The following ZPBP variants were observed in gnomAD, a reference collection of about 807,000 sequenced individuals.
The protein encoded by ZPBP is zona pellucida binding protein.
In ZPBP, 26 loss-of-function variants were observed where a neutral mutation model predicts 44.8. The observed-to-expected ratio is 0.58, with a 90% CI of 0.43 to 0.81. ZPBP has a LOEUF of 0.81. Among genes scored for constraint, ZPBP ranks in the 30% least tolerant of loss-of-function variants. ZPBP has a pLI of 0.00. For synonymous variants in ZPBP, 174 were observed against 153.2 expected (o/e 1.14, Z -1.00); for missense variants, 409 against 434.0 (o/e 0.94, Z 0.51).
intron 5 of ZPBP, among the ~76,000 whole-genome samples, chr7:50,028,466 G>A (rs564549703): frequency 1.3e-5 from 2 of 152,054 alleles, no homozygotes; most frequent in East Asian, 3.9e-4. Context: ...ACATTGTGCT[G>A]GAAGCCCAAG....
chr7:50,012,217 G>A (rs1482723546), intron 6 of ZPBP, among the ~76,000 whole-genome samples: 1 of 151,806 alleles, frequency 6.6e-6, no homozygotes, highest in Non-Finnish European at 1.5e-5. Flanking sequence ...TGAGATTTTT[G>A]AGACACGCAA....
chr7:50,081,790 T>G lies in ZPBP; in HGVS notation c.318A>C (p.Lys106Asn). The change falls in exon 3 of 8, where the codon AAA (lysine) becomes AAC (asparagine). Residue 106 changes from lysine (K) to asparagine (N), a missense_variant. Lys to Asn is a moderately conservative substitution (Grantham distance 94). This residue lies in a region of ZPBP where 367 missense variants were observed against 363.1 expected (regional missense o/e 1.01). Transcript: ENST00000046087. ...AAATCCTACCTGAAACAACTTTTCC[T>G]TTAGGCCCATACCATTGGAATGATG... ...IDPSFQWYGPKGKVVSVENRT... is the reference protein window; with the variant it reads ...IDPSFQWYGPNGKVVSVENRT... 1 of 1,611,240 alleles carries G rather than the reference T, an allele frequency of 6.2e-7. No individual in the cohort carries two copies. Among genetic ancestry groups the G allele is most frequent in the African/African-American group, 1.3e-5 (1 of 74,910 alleles).
chr7:49,876,984 A>G (rs1791438182), intron 2 of ZPBP, among the ~76,000 whole-genome samples: 1 of 152,068 alleles, frequency 6.6e-6, no homozygotes, highest in African/African-American at 2.4e-5. Context: ...ATATTCAGCC[A>G]CATTTATTCC....
chr7:49,916,213 C>T (rs1793716361), intron 1 of ZPBP: 1 of 152,182 alleles, frequency 6.6e-6, no homozygotes, highest in Admixed American at 6.5e-5. Flanking sequence ...ATCGCAATCA[C>T]ACACAAAATA....
intron 4 of ZPBP, among the ~76,000 whole-genome samples, chr7:50,032,670 A>C (rs1405962838): frequency 3.3e-5 from 5 of 152,208 alleles, no homozygotes; most frequent in Non-Finnish European, 7.3e-5. Flanking sequence ...CTTCATGATA[A>C]AACTGTCTTC....
intron 2 of ZPBP, among the ~76,000 whole-genome samples, chr7:50,082,613 T>C (rs534162605): frequency 5.3e-5 from 8 of 151,878 alleles, no homozygotes; most frequent in Admixed American, 5.3e-4. Context: ...ATTTCTGTGA[T>C]CGAGTAAAAT....
chr7:50,036,956 CA>C (rs555064476), intron 4 of ZPBP, among the ~76,000 whole-genome samples: 1 of 151,532 alleles, frequency 6.6e-6, no homozygotes, highest in African/African-American at 2.4e-5. Flanking sequence ...AAGAAAACAT[CA>C]AAAAATGTAC....
At chr7:49,965,561 T>C (rs1011313885) in intron 7 of ZPBP, among the ~76,000 whole-genome samples, 4 of 152,062 alleles carry the variant, frequency 2.6e-5, no homozygotes, top group Non-Finnish European at 5.9e-5. Context: ...GAAATGGGTA[T>C]ACACCAAAAA....
intron 7 of ZPBP, among the ~76,000 whole-genome samples, chr7:49,980,071 AAT>A (rs1157782622): frequency 3.2e-5 from 3 of 92,336 alleles, no homozygotes; most frequent in South Asian, 3.1e-4. Context: ...ATTATATTAT[AAT>A]ATATATAATA....
chr7:49,878,023 C>CA (rs1200397891), intron 2 of ZPBP, among the ~76,000 whole-genome samples: 3 of 152,034 alleles, frequency 2.0e-5, no homozygotes, highest in Non-Finnish European at 2.9e-5. Flanking sequence ...GTCTTTTATT[C>CA]AGCTTTCCTC....
At chr7:49,940,654 C>CAAA in intron 7 of ZPBP, 4 of 472,428 alleles carry the variant, frequency 8.5e-6, no homozygotes, top group Non-Finnish European at 1.1e-5. Flanking sequence ...GTTCTGAATC[C>CAAA]AAAAAAAAAA....
At chr7:49,963,728 G>A (rs1167601112) in intron 7 of ZPBP, among the ~76,000 whole-genome samples, 1 of 151,786 alleles carries the variant, frequency 6.6e-6, no homozygotes, top group Non-Finnish European at 1.5e-5. Flanking sequence ...TTTAAATAAA[G>A]AGGATTAGAA....
intron 3 of ZPBP, among the ~76,000 whole-genome samples, chr7:50,065,114 C>G (rs1049752367): frequency 6.6e-6 from 1 of 152,152 alleles, no homozygotes; most frequent in Non-Finnish European, 1.5e-5. Context: ...GTCCACATTT[C>G]TTTGATATTT....
At chr7:49,999,691 GA>G (rs1226284556) in intron 6 of ZPBP, among the ~76,000 whole-genome samples, 1 of 96,772 alleles carries the variant, frequency 1.0e-5, no homozygotes, top group East Asian at 3.5e-4. Context: ...AGCTCAAACA[GA>G]AACAAATCCT....
chr7:49,940,183 C>T (rs1346177059), intron 7 of ZPBP, among the ~76,000 whole-genome samples: 1 of 152,140 alleles, frequency 6.6e-6, no homozygotes, highest in Non-Finnish European at 1.5e-5. Context: ...AAGGCTGTGT[C>T]TCCCAATTCT....
At chr7:49,880,132 A>G (rs1382509389) in intron 2 of ZPBP, among the ~76,000 whole-genome samples, 1 of 152,176 alleles carries the variant, frequency 6.6e-6, no homozygotes, top group South Asian at 2.1e-4. Flanking sequence ...TTTCATTTAA[A>G]AACTTTTTCT....
At chr7:50,057,435 C>G (rs114856640) in intron 4 of ZPBP, among the ~76,000 whole-genome samples, 3,038 of 152,168 alleles carry the variant, frequency 0.02, 86 homozygotes, top group African/African-American at 0.069. Context: ...GTGCCTCTGA[C>G]CTAACTCGGC....
intron 6 of ZPBP, among the ~76,000 whole-genome samples, chr7:49,984,572 T>A (rs1158638817): frequency 2.0e-5 from 3 of 152,116 alleles, no homozygotes; most frequent in Non-Finnish European, 4.4e-5. Flanking sequence ...GCCACCTAGA[T>A]CCCTTCCATG....
intron 3 of ZPBP, among the ~76,000 whole-genome samples, chr7:50,072,066 A>T (rs930912646): frequency 1.3e-5 from 2 of 152,104 alleles, no homozygotes; most frequent in Admixed American, 6.5e-5. Context: ...CAACAAGTGG[A>T]CTCTCAGGAT....
Sources: gnomAD v4.1 joint callset for allele counts (sites outside exome capture counted in the v4.1 genomes callset) on GRCh38, gnomAD v4.1.1 for gene constraint, gnomAD v4.1.1 regional missense constraint, MANE v1.5 for transcripts, NCBI Gene and HGNC (gene_info 2026-07-23, HGNC 2026-07-21) for gene names.